STRN: variants seen among roughly 807,000 people sequenced by gnomAD.
STRN encodes protein phosphatase 2 regulatory subunit B'''alpha.
Under a neutral mutation model 96.3 loss-of-function variants are expected in STRN, and 53 were observed. The observed-to-expected ratio is 0.55, with a 90% CI of 0.44 to 0.69. STRN has a LOEUF of 0.69. Ranked by LOEUF, STRN falls within the 30% of genes least tolerant of loss-of-function variation. The pLI, the probability that STRN is intolerant of heterozygous loss-of-function variation, is 0.00. For synonymous variants in STRN, 428 were observed against 355.9 expected (o/e 1.20, Z -2.28); for missense variants, 987 against 963.9 (o/e 1.02, Z -0.32).
At chr2:36,849,829 T>C (rs886278042) in intron 16 of STRN, 29 bp from the exon 17 acceptor site, 1 of 1,603,194 alleles carries the variant, frequency 6.2e-7, no homozygotes, top group South Asian at 1.1e-5. Context: ...TTACTCCTTA[T>C]TAATGCCTTT....
chr2:36,958,706 G>A (rs757737397), intron 1 of STRN, among the ~76,000 whole-genome samples: 3 of 152,132 alleles, frequency 2.0e-5, no homozygotes, highest in African/African-American at 7.2e-5. Context: ...AAACCCAAAA[G>A]GAGAAGAAAG....
chr2:36,928,013 G>A (rs1044314466), intron 1 of STRN, among the ~76,000 whole-genome samples: 9 of 152,052 alleles, frequency 5.9e-5, no homozygotes, highest in African/African-American at 2.2e-4. Context: ...AAGAAAATTA[G>A]GACCTGAACT....
intron 1 of STRN, among the ~76,000 whole-genome samples, chr2:36,928,216 G>A (rs1362890480): frequency 6.6e-6 from 1 of 151,858 alleles, no homozygotes; most frequent in Non-Finnish European, 1.5e-5. Context: ...TTAAAATAAA[G>A]ATTAAATTCC....
At chr2:36,881,726 T>C (rs558334460) in intron 9 of STRN, among the ~76,000 whole-genome samples, 1 of 152,360 alleles carries the variant, frequency 6.6e-6, no homozygotes, top group African/African-American at 2.4e-5. Flanking sequence ...ATAATGCTTT[T>C]GTACATCTGT....
Position 36,861,146 on chromosome 2 carries a change from G to C in STRN, c.1655C>G (p.Pro552Arg). The change falls in exon 13 of 18, where the codon CCC (proline) becomes CGC (arginine). Residue 552 changes from proline (P) to arginine (R), a missense_variant. Transcript: ENST00000263918. The stretch of plus-strand genomic sequence containing the variant: ...AAATCACCTACCATAAGAATCATAG[G>C]GGTCGATGTTGGGATTAGTGGTATT... ...GWNTTNPNID[P>R]YDSYDPSVLR... The C allele has an allele frequency of 6.2e-7, 1 of 1,613,586 alleles. No homozygotes were observed. The highest frequency in any genetic ancestry group is 8.5e-7 in the Non-Finnish European group (1 of 1,179,876).
chr2:36,912,064 T>C (rs995120659), intron 3 of STRN, among the ~76,000 whole-genome samples: 2 of 152,196 alleles, frequency 1.3e-5, no homozygotes, highest in Non-Finnish European at 2.9e-5. Flanking sequence ...ATAAACCTGT[T>C]AACCTAACTT....
At chr2:36,856,848 GGTT>G (rs1668353283) in intron 14 of STRN, among the ~76,000 whole-genome samples, 1 of 152,018 alleles carries the variant, frequency 6.6e-6, no homozygotes, top group African/African-American at 2.4e-5. Context: ...CACAAGATTT[GGTT>G]GTTTAAAAAT....
At chr2:36,950,218 T>TG (rs1664720372) in intron 1 of STRN, among the ~76,000 whole-genome samples, 1 of 144,946 alleles carries the variant, frequency 6.9e-6, no homozygotes, top group Non-Finnish European at 1.5e-5. Context: ...GTTTTGTTTT[T>TG]TTTTTTTTTT....
chr2:36,908,246 C>T (rs1217439836), intron 3 of STRN, among the ~76,000 whole-genome samples: 5 of 152,144 alleles, frequency 3.3e-5, no homozygotes, highest in Admixed American at 3.3e-4. Context: ...AGGGCTAAAT[C>T]CTTTCTATGC....
At chr2:36,949,431 A>C (rs1664699206) in intron 1 of STRN, among the ~76,000 whole-genome samples, 2 of 126,838 alleles carry the variant, frequency 1.6e-5, no homozygotes, top group South Asian at 5.5e-4. Context: ...TGTGTTAAAC[A>C]AATCAATTTT....
chr2:36,859,211 T>C (rs531563455), intron 13 of STRN, among the ~76,000 whole-genome samples: 1 of 152,122 alleles, frequency 6.6e-6, no homozygotes, highest in African/African-American at 2.4e-5. Context: ...ATCAAGTATG[T>C]ATTTAATAAG....
chr2:36,918,359 G>A (rs1000064273), intron 2 of STRN, among the ~76,000 whole-genome samples: 1 of 151,998 alleles, frequency 6.6e-6, no homozygotes, highest in African/African-American at 2.4e-5. Flanking sequence ...ATACCTGCTA[G>A]AAGTCAAAAT....
chr2:36,888,036 A>G (rs1214618292), intron 7 of STRN, among the ~76,000 whole-genome samples: 7 of 152,178 alleles, frequency 4.6e-5, no homozygotes, highest in African/African-American at 1.7e-4. Flanking sequence ...AATCTGTTCC[A>G]TCCAAAGGGT....
intron 10 of STRN, among the ~76,000 whole-genome samples, chr2:36,876,932 T>C (rs1668929499): frequency 6.6e-6 from 1 of 152,038 alleles, no homozygotes; most frequent in East Asian, 1.9e-4. Context: ...GTATTTTTAA[T>C]AGAGACGGGT....
At chr2:36,932,567 T>C (rs1302086649) in intron 1 of STRN, among the ~76,000 whole-genome samples, 1 of 152,200 alleles carries the variant, frequency 6.6e-6, no homozygotes, top group Non-Finnish European at 1.5e-5. Flanking sequence ...AGATAAGATG[T>C]GAACTTATGG....
At chr2:36,910,173 CAAAA>C (rs146718686) in intron 3 of STRN, among the ~76,000 whole-genome samples, 4 of 112,946 alleles carry the variant, frequency 3.5e-5, no homozygotes, top group East Asian at 4.4e-4. Flanking sequence ...GACTTTGTCT[CAAAA>C]AAAAAAAAAA....
At chr2:36,902,097 T>C (rs1188120345) in intron 5 of STRN, among the ~76,000 whole-genome samples, 1 of 152,216 alleles carries the variant, frequency 6.6e-6, no homozygotes, top group Non-Finnish European at 1.5e-5. Flanking sequence ...ATATTTCAAA[T>C]AGCTACTGAA....
At chr2:36,936,010 T>C (rs879344833) in intron 1 of STRN, among the ~76,000 whole-genome samples, 45 of 152,012 alleles carry the variant, frequency 3.0e-4, no homozygotes, top group Non-Finnish European at 4.6e-4. Context: ...AATTTATAAA[T>C]ATTTTAAATA....
In STRN at chr2:36,872,157, G is replaced by C. The variant is rs554223841; in HGVS notation, c.1324-2428C>G. On this transcript the variant is annotated intron_variant, in intron 10 of 17. Coordinates refer to ENST00000263918, the MANE Select transcript of STRN (RefSeq NM_003162.4). ...CTTATATAGTTTCCTCCCCCATTAT[G>C]GGGTTGGTCTCTTCACCAATAGAAT... is the stretch of plus-strand genomic sequence containing the variant. Among the ~76,000 whole-genome samples the C allele has an allele frequency of 3.3e-5, 5 of 152,298 alleles. No homozygotes were observed. In the South Asian group the frequency reaches 6.2e-4, roughly 19 times the overall value.
Sources: gnomAD v4.1 joint callset for allele counts (sites outside exome capture counted in the v4.1 genomes callset) on GRCh38, gnomAD v4.1.1 for gene constraint, MANE v1.5 for transcripts, NCBI Gene and HGNC (gene_info 2026-07-23, HGNC 2026-07-21) for gene names.